The following SHISA6 variants were observed in gnomAD, a reference collection of about 807,000 sequenced individuals.
SHISA6 encodes the protein protein shisa-6.
Under a neutral mutation model 47.9 loss-of-function variants are expected in SHISA6, and 22 were observed. The ratio of observed to expected loss-of-function variants is 0.46; its 90% CI spans 0.33 to 0.66. SHISA6 has a LOEUF of 0.66. SHISA6 is among the 30% of genes least tolerant of loss of function. The pLI is 0.02. For synonymous variants in SHISA6, 388 were observed against 337.8 expected, an observed-to-expected ratio of 1.15 and a Z score of -1.63; for missense variants, 680 against 764.6, an observed-to-expected ratio of 0.89 and a Z score of 1.30.
intron 3 of SHISA6, among the ~76,000 whole-genome samples, chr17:11,515,281 AAAGAAAAG>A (rs1270824823): frequency 7.5e-6 from 1 of 133,458 alleles, no homozygotes; most frequent in Non-Finnish European, 1.7e-5. Context: ...TAGAGAAAGA[AAAGAAAAG>A]AAGAAAGAGG....
At chr17:11,398,670 G>A (rs986156579) in intron 3 of SHISA6, among the ~76,000 whole-genome samples, 1 of 151,890 alleles carries the variant, frequency 6.6e-6, no homozygotes, top group African/African-American at 2.4e-5. Flanking sequence ...TCAGCTCACT[G>A]CAACCTCCGT....
At chr17:11,382,454 TCC>T (rs1913042482) in intron 3 of SHISA6, among the ~76,000 whole-genome samples, 1 of 152,154 alleles carries the variant, frequency 6.6e-6, no homozygotes, top group Non-Finnish European at 1.5e-5. Context: ...CAAGGAACCA[TCC>T]TCTCTTCCTT....
At chr17:11,555,688 T>C in intron 4 of SHISA6, 52 bp from the exon 5 acceptor site, 1 of 1,463,156 alleles carries the variant, frequency 6.8e-7, no homozygotes, top group Non-Finnish European at 9.1e-7. Context: ...AAAGCACACC[T>C]GCCACAGACA....
At chr17:11,365,424 C>G (rs544703734) in intron 2 of SHISA6, among the ~76,000 whole-genome samples, 10 of 152,130 alleles carry the variant, frequency 6.6e-5, no homozygotes, top group African/African-American at 2.2e-4. Flanking sequence ...ATCACAGGCA[C>G]TCACCACCAC....
intron 1 of SHISA6, 86 bp downstream of exon 1, chr17:11,242,146 T>G: frequency 6.7e-7 from 1 of 1,500,132 alleles, no homozygotes; most frequent in Non-Finnish European, 9.0e-7. Context: ...ACTCTCGGCA[T>G]CATCACACCT....
At chr17:11,488,831 A>T (rs551852863) in intron 3 of SHISA6, among the ~76,000 whole-genome samples, 1 of 152,340 alleles carries the variant, frequency 6.6e-6, no homozygotes, top group Non-Finnish European at 1.5e-5. Flanking sequence ...AGAGGATGTG[A>T]TAGTCATATT....
At chr17:11,415,537 C>T (rs955369282) in intron 3 of SHISA6, among the ~76,000 whole-genome samples, 1 of 152,202 alleles carries the variant, frequency 6.6e-6, no homozygotes, top group African/African-American at 2.4e-5. Context: ...AATTACTCAC[C>T]AGCTCTAATG....
chr17:11,310,851 G>A (rs1369505555), intron 2 of SHISA6, among the ~76,000 whole-genome samples: 1 of 151,316 alleles, frequency 6.6e-6, no homozygotes, highest in Non-Finnish European at 1.5e-5. Context: ...GCTCACGCCT[G>A]TAATCCCAGC....
At chr17:11,492,563 G>A (rs1414829067) in intron 3 of SHISA6, among the ~76,000 whole-genome samples, 4 of 152,182 alleles carry the variant, frequency 2.6e-5, no homozygotes, top group Non-Finnish European at 5.9e-5. Flanking sequence ...TCTCAAGGTT[G>A]TTGTAGGGAG....
intron 2 of SHISA6, among the ~76,000 whole-genome samples, chr17:11,266,522 G>T (rs1188024081): frequency 6.6e-6 from 1 of 152,226 alleles, no homozygotes; most frequent in East Asian, 1.9e-4. Flanking sequence ...CTATGTATGT[G>T]ATCTTGGGCA....
intron 3 of SHISA6, among the ~76,000 whole-genome samples, chr17:11,426,837 A>G (rs1468019587): frequency 1.3e-5 from 2 of 152,156 alleles, no homozygotes; most frequent in African/African-American, 2.4e-5. Flanking sequence ...CTATCCTTCC[A>G]TCTTTATCCA....
intron 1 of SHISA6, among the ~76,000 whole-genome samples, chr17:11,249,097 C>A (rs1907700284): frequency 1.3e-5 from 2 of 148,424 alleles, no homozygotes; most frequent in African/African-American, 5.0e-5. Context: ...GAGATCGCGC[C>A]ACTGCACTCC....
At chr17:11,298,785 C>G (rs560977073) in intron 2 of SHISA6, among the ~76,000 whole-genome samples, 15 of 152,296 alleles carry the variant, frequency 9.8e-5, no homozygotes, top group African/African-American at 3.4e-4. Flanking sequence ...AGTGGCCAAA[C>G]CATGTTCCAA....
intron 3 of SHISA6, among the ~76,000 whole-genome samples, chr17:11,515,242 CAAA>C (rs754884133): frequency 4.1e-5 from 2 of 48,402 alleles, no homozygotes; most frequent in African/African-American, 6.1e-5. Context: ...GACTCTTTCT[CAAA>C]AAAAAAAAAA....
intron 3 of SHISA6, among the ~76,000 whole-genome samples, chr17:11,390,207 G>A (rs1913338460): frequency 6.6e-6 from 1 of 152,232 alleles, no homozygotes; most frequent in Non-Finnish European, 1.5e-5. Flanking sequence ...GAAAACTGGT[G>A]AAGAGAGTCA....
At chr17:11,412,423 T>A (rs1914147036) in intron 3 of SHISA6, among the ~76,000 whole-genome samples, 1 of 152,206 alleles carries the variant, frequency 6.6e-6, no homozygotes, top group East Asian at 1.9e-4. Flanking sequence ...GGACCACATT[T>A]ATTTCTTGGT....
At chr17:11,441,492 T>C (rs2142297664) in intron 3 of SHISA6, among the ~76,000 whole-genome samples, 1 of 152,330 alleles carries the variant, frequency 6.6e-6, no homozygotes, top group South Asian at 2.1e-4. Flanking sequence ...CTAGAACATA[T>C]GCTTCGTGAG....
At chr17:11,549,874 T>C (rs975314164) in intron 3 of SHISA6, among the ~76,000 whole-genome samples, 1 of 152,210 alleles carries the variant, frequency 6.6e-6, no homozygotes. Context: ...AAAAAATGTT[T>C]TTTAATCTCT....
intron 1 of SHISA6, 73 bp from the exon 2 acceptor site, chr17:11,263,293 A>G: frequency 6.8e-7 from 1 of 1,479,500 alleles, no homozygotes; most frequent in Admixed American, 2.0e-5. Context: ...GGCATATGAA[A>G]GTAAGCCAAC....
Sources: allele counts gnomAD v4.1 joint callset (sites outside exome capture counted in the v4.1 genomes callset), GRCh38; gene constraint gnomAD v4.1.1; transcripts MANE v1.5; gene names NCBI Gene and HGNC (gene_info 2026-07-23, HGNC 2026-07-21).